The following THSD7A variants were observed in gnomAD, a reference collection of about 807,000 sequenced individuals.
THSD7A encodes the protein thrombospondin type-1 domain-containing protein 7A.
THSD7A carries 96 observed loss-of-function variants against 231.3 expected under a neutral mutation model. The observed-to-expected ratio is 0.41, with a 90% CI of 0.35 to 0.49. THSD7A has a LOEUF of 0.49. THSD7A is among the 20% of genes least tolerant of loss of function. THSD7A has a pLI of 0.05. For missense variants in THSD7A, 2,290 were observed against 2,070.2 expected, an observed-to-expected ratio of 1.11 and a Z score of -2.06; for synonymous variants, 940 against 743.3, an observed-to-expected ratio of 1.26 and a Z score of -4.30.
intron 6 of THSD7A, among the ~76,000 whole-genome samples, chr7:11,513,358 A>T (rs76604693): frequency 2.3e-5 from 3 of 128,780 alleles, no homozygotes; most frequent in African/African-American, 7.8e-5. Flanking sequence ...TTTCAAGAAT[A>T]AAAAAAACCA....
intron 4 of THSD7A, among the ~76,000 whole-genome samples, chr7:11,584,210 T>A (rs1791293572): frequency 1.3e-5 from 2 of 152,294 alleles, no homozygotes; most frequent in South Asian, 2.1e-4. Context: ...TGGGGAATCA[T>A]TTAGTTAGTC....
chr7:11,440,255 G>T (rs1378477663), intron 13 of THSD7A, among the ~76,000 whole-genome samples: 1 of 152,028 alleles, frequency 6.6e-6, no homozygotes, highest in Non-Finnish European at 1.5e-5. Context: ...CAAAATATTA[G>T]TTCTTATTGA....
At chr7:11,596,296 C>A (rs1227013689) in intron 2 of THSD7A, among the ~76,000 whole-genome samples, 1 of 152,176 alleles carries the variant, frequency 6.6e-6, no homozygotes, top group Non-Finnish European at 1.5e-5. Flanking sequence ...TGGCTCGGAG[C>A]TGACATTGAT....
rs1397329410 is a variant in THSD7A at position 11,636,400 on chromosome 7, A to G, written c.752T>C (p.Leu251Pro). ...CQSSPCEAEE[L>P]RYSLHVGPWS... ...GGGCCCCACATGCAGGCTGTACCTG[A>G]GCTCCTCGGCCTCGCATGGACTGGA... The change falls in exon 2 of 28, where the codon CTC becomes CCC. Residue 251 changes from leucine (L) to proline (P), a missense_variant. Leu to Pro is a moderately conservative substitution (Grantham distance 98). Transcript: ENST00000423059. This position sits in a 1 kb window ranked among gnomAD's most constrained non-coding sequence, Gnocchi z 10.0. 1.9e-6 allele frequency: 3 copies of G among 1,613,666 alleles called. No homozygotes were observed. In the Admixed American group the frequency reaches 5.0e-5, roughly 27 times the overall value.
chr7:11,512,878 G>A (rs1051342839), intron 6 of THSD7A, among the ~76,000 whole-genome samples: 5 of 145,370 alleles, frequency 3.4e-5, no homozygotes, highest in Non-Finnish European at 6.0e-5. Flanking sequence ...GTATACATAC[G>A]TAACGAATCT....
At chr7:11,567,264 TC>T (rs201526437) in intron 4 of THSD7A, among the ~76,000 whole-genome samples, 1 of 38,084 alleles carries the variant, frequency 2.6e-5, no homozygotes, top group Non-Finnish European at 6.0e-5. Context: ...GCAAGACACT[TC>T]CCCCTCAAGG....
Position 11,593,277 on chromosome 7 carries a change from T to C in THSD7A, c.1248A>G (p.Gly416=), listed in dbSNP as rs1219712915. The change falls in exon 3 of 28, where the codon GGA becomes GGG. Residue 416 remains glycine (G), a synonymous_variant. Coordinates refer to ENST00000423059, the MANE Select transcript of THSD7A (RefSeq NM_015204.3). ...ACGTGGCACAGGGGACAACTCCATC[T>C]CCTTGAGACAAACAGGGTTCTTTTT... The part of the protein sequence containing the change: ...FEEKEPCLSQ[G]DGVVPCATYG... 3 of 1,614,028 alleles carry C rather than the reference T, an allele frequency of 1.9e-6. No individual in the cohort carries two copies. The highest frequency in any genetic ancestry group is 2.5e-6 in the Non-Finnish European group (3 of 1,179,892).
chr7:11,546,424 G>A (rs963112630), intron 4 of THSD7A, among the ~76,000 whole-genome samples: 4 of 152,118 alleles, frequency 2.6e-5, no homozygotes, highest in African/African-American at 7.2e-5. Context: ...CAAAGCCATA[G>A]GCCTGGTCCC....
At chr7:11,572,852 C>T (rs772851184) in intron 4 of THSD7A, among the ~76,000 whole-genome samples, 4 of 152,034 alleles carry the variant, frequency 2.6e-5, no homozygotes, top group East Asian at 1.9e-4. Flanking sequence ...TTTTTCCCTC[C>T]GTCAATAATG....
At chr7:11,774,666 A>T (rs1003364408) in intron 1 of THSD7A, among the ~76,000 whole-genome samples, 12 of 152,210 alleles carry the variant, frequency 7.9e-5, no homozygotes, top group African/African-American at 2.7e-4. Context: ...TTGTATGTCA[A>T]TTATAACTCA....
At chr7:11,677,299 G>A (rs926694147) in intron 1 of THSD7A, among the ~76,000 whole-genome samples, 1 of 151,942 alleles carries the variant, frequency 6.6e-6, no homozygotes, top group Non-Finnish European at 1.5e-5. Flanking sequence ...ACTGGTACCA[G>A]CCACTGCAAA....
At position 11,605,403 on chromosome 7, in the gene THSD7A, A is replaced by G. The variant is rs574994601; in HGVS notation, c.1023-11901T>C. On this transcript the variant is annotated intron_variant, in intron 2 of 27. Coordinates refer to ENST00000423059, the MANE Select transcript of THSD7A (RefSeq NM_015204.3). ...TAACATCTGCAGTCTAGGGCACTGG[A>G]GTGGAAGTTGTTCCTACTGGCTTAG... Among the ~76,000 whole-genome samples the G allele has an allele frequency of 4.1e-3, 626 of 152,196 alleles. 1 individual carries two copies. The highest frequency in any genetic ancestry group is 4.8e-3 in the Non-Finnish European group (327 of 67,996).
At chr7:11,428,460 C>A (rs1390876581) in intron 14 of THSD7A, among the ~76,000 whole-genome samples, 1 of 152,120 alleles carries the variant, frequency 6.6e-6, no homozygotes, top group African/African-American at 2.4e-5. Flanking sequence ...TTGAGGCCAT[C>A]TTTGTATTTC....
chr7:11,472,637 G>C (rs1785983439), intron 8 of THSD7A, among the ~76,000 whole-genome samples: 1 of 152,106 alleles, frequency 6.6e-6, no homozygotes, highest in Non-Finnish European at 1.5e-5. Flanking sequence ...GTATCACATG[G>C]GGCTTCAGGA....
rs377112108 is a variant in THSD7A, at chr7:11,812,140, T to TGTGTGTGTGA, written c.190+19616_190+19617insTCACACACAC. 4.1e-4 allele frequency among the ~76,000 whole-genome samples: 60 copies of TGTGTGTGTGA among 147,014 alleles called. 1 individual carries two copies. The highest frequency in any genetic ancestry group is 1.0e-3 in the Admixed American group (15 of 14,842). Reference sequence around the variant, plus strand: ...GTGTGTGTGTGTGTGTGTGTGTGTGTGGGAGACAGAGAGAGAGATATGGGG... The same window carrying TGTGTGTGTGA: ...GTGTGTGTGTGTGTGTGTGTGTGTGTGTGTGTGTGAGGGAGACAGAGAGAGAGATATGGGG... On this transcript the variant is annotated intron_variant, in intron 1 of 27. Transcript: ENST00000423059.
chr7:11,766,857 G>T (rs1307137673), intron 1 of THSD7A, among the ~76,000 whole-genome samples: 1 of 152,054 alleles, frequency 6.6e-6, no homozygotes, highest in East Asian at 1.9e-4. Flanking sequence ...AAGCTAAAAA[G>T]GACATTTTGA....
Position 11,548,321 on chromosome 7 carries a change from C to T in THSD7A, c.1454-5204G>A, listed in dbSNP as rs568973012. 2.1e-4 allele frequency among the ~76,000 whole-genome samples: 32 copies of T among 152,044 alleles called. No homozygotes were observed. In the South Asian group the frequency reaches 4.4e-3, roughly 21 times the overall value. ...AAATTGAACCAGGAAAAAACTGAAA[C>T]CCTGAACAGACACATAACAAGTTCT... On this transcript the variant is annotated intron_variant, in intron 4 of 27. Coordinates refer to ENST00000423059, the MANE Select transcript of THSD7A (RefSeq NM_015204.3).
At chr7:11,410,088 T>A (rs1323355698) in intron 19 of THSD7A, among the ~76,000 whole-genome samples, 2 of 152,204 alleles carry the variant, frequency 1.3e-5, no homozygotes, top group Non-Finnish European at 1.5e-5. Flanking sequence ...TCAATGTTAT[T>A]GGTTATGAAA....
chr7:11,406,516 A>G lies in THSD7A; in HGVS notation c.4063-42T>C, dbSNP rs916487743. 2.6e-6 allele frequency: 4 copies of G among 1,534,270 alleles called. No individual in the cohort carries two copies. The African/African-American group carries it at 5.5e-5, about 21-fold the overall frequency. On this transcript the variant is annotated intron_variant, in intron 21 of 27. Coordinates refer to ENST00000423059, the MANE Select transcript of THSD7A (RefSeq NM_015204.3). This position sits in a 1 kb window ranked among gnomAD's most constrained non-coding sequence, Gnocchi z 4.7. ...AATAACTAATTAGAAAAAGAGAAAT[A>G]CTTCATTAGAGAGCTCATCACTTAG...
Sources: gnomAD v4.1 joint callset for allele counts (sites outside exome capture counted in the v4.1 genomes callset) on GRCh38, gnomAD v4.1.1 for gene constraint, Gnocchi (gnomAD v3.1) non-coding constraint, MANE v1.5 for transcripts, NCBI Gene and HGNC (gene_info 2026-07-23, HGNC 2026-07-21) for gene names.